ABCC5: variants seen among roughly 807,000 people sequenced by gnomAD.
ABCC5 encodes the protein ATP binding cassette subfamily C member 5.
A neutral mutation model predicts 160.9 loss-of-function variants in ABCC5; 61 were observed. The ratio of observed to expected loss-of-function variants is 0.38; its 90% confidence interval spans 0.31 to 0.47. The LOEUF (loss-of-function observed/expected upper bound fraction) is 0.47. Ranked by LOEUF, ABCC5 falls within the 20% of genes least tolerant of loss-of-function variation. The pLI is 0.99. For synonymous variants in ABCC5, 666 were observed against 700.6 expected (o/e 0.95, Z 0.78); for missense variants, 1,308 against 1,813.3 (o/e 0.72, Z 5.06).
In ABCC5 at chr3:183,987,955, G is replaced by A. The variant is rs762924078; in HGVS notation, c.444-38C>T. ...ACACGTCCTCGTTACACATCTCCTC[G>A]GGGGAAAGGCACACCTAGCTCCCCG... On this transcript the variant is annotated intron_variant, in intron 4 of 29. Transcript: ENST00000334444. This position sits in a 1 kb window ranked among gnomAD's most constrained non-coding sequence, Gnocchi z 4.2. The A allele has an allele frequency of 2.1e-5, 34 of 1,604,226 alleles. No individual in the cohort carries two copies. The highest frequency in any genetic ancestry group is 2.6e-5 in the Non-Finnish European group (31 of 1,174,890).
rs963986569 is a variant in ABCC5 at position 183,947,400 on chromosome 3, G to A, written c.3338C>T (p.Thr1113Met). The change falls in exon 23 of 30, where the codon ACG becomes ATG. Residue 1113 changes from threonine (T) to methionine (M), a missense_variant. Around this residue, in one of 3 missense-constraint regions of ABCC5, gnomAD observed 1,142 missense variants for 1,527.1 expected, o/e 0.75. Transcript: ENST00000334444. Reference sequence around the variant, plus strand: ...GTGCATAAGAACGATCATCAGCCCCGTGGTGGTGATGAGGGCGATGCTGAT... The same window carrying A: ...GTGCATAAGAACGATCATCAGCCCCATGGTGGTGATGAGGGCGATGCTGAT... ...DLISIALITT[T>M]GLMIVLMHGQ... 9 of 1,613,788 alleles carry A rather than the reference G, an allele frequency of 5.6e-6. No homozygotes were observed. Among genetic ancestry groups the A allele is most frequent in the South Asian group, 2.2e-5 (2 of 91,038 alleles).
At position 183,971,827 on chromosome 3, in the gene ABCC5, C is replaced by G. The variant is rs781410424; in HGVS notation, c.1497G>C (p.Trp499Cys). The change falls in exon 11 of 30, where the codon TGG becomes TGC. Residue 499 changes from tryptophan to cysteine, a missense_variant. Physicochemically the swap from Trp to Cys is radical, Grantham distance 215 (BLOSUM62 -2). Transcript: ENST00000334444. Reference protein sequence around the residue: ...KIEMKNATLAWDSSHSSIQNS... With the variant: ...KIEMKNATLACDSSHSSIQNS... ...TCTGGATACTGGAGTGGGAGGAGTC[C>G]CATGCCAAGGTGGCATTTTTCATCT... 3.1e-6 allele frequency: 5 copies of G among 1,614,076 alleles called. No individual in the cohort carries two copies. The highest frequency in any genetic ancestry group is 3.4e-6 in the Non-Finnish European group (4 of 1,180,016).
intron 8 of ABCC5, 115 bp downstream of exon 8, chr3:183,981,612 T>C: frequency 8.7e-7 from 1 of 1,153,466 alleles, no homozygotes; most frequent in South Asian, 1.4e-5. Context: ...TGTCCTACGA[T>C]ACTAGACACT....
Position 183,921,161 on chromosome 3 carries a change from C to A in ABCC5, c.*139G>T. The A allele has an allele frequency of 1.9e-6, 1 of 536,354 alleles. No individual in the cohort carries two copies. Among genetic ancestry groups the A allele is most frequent in the East Asian group, 3.1e-5 (1 of 32,602 alleles). 33.2% of individuals were successfully genotyped at this position (536,354 alleles called of 1,614,324 possible). On this transcript the variant is annotated 3_prime_UTR_variant, in exon 30 of 30. Transcript: ENST00000334444. This position sits in a 1 kb window ranked among gnomAD's most constrained non-coding sequence, Gnocchi z 4.1. The stretch of plus-strand genomic sequence containing the variant: ...TATGACTCTCCCTAAAAGTGAAACA[C>A]ACAAGCCAATCCGGAACTGCTGTGC...
rs1205589598 is a variant in ABCC5 at position 183,979,451 on chromosome 3, C to T, written c.1148-800G>A. On this transcript the variant is annotated intron_variant, in intron 8 of 29. Coordinates refer to ENST00000334444, the MANE Select transcript of ABCC5 (RefSeq NM_005688.4). ...CTTCCATATAAAAATGCAGTAATGACAACCGGAAGAAGATAGGTGAAATAC... is the reference window on the plus strand; with the variant it reads ...CTTCCATATAAAAATGCAGTAATGATAACCGGAAGAAGATAGGTGAAATAC... Among the ~76,000 whole-genome samples the T allele has an allele frequency of 2.6e-5, 4 of 151,856 alleles. No individual in the cohort carries two copies. In the East Asian group the frequency reaches 7.7e-4, roughly 29 times the overall value.
At chr3:184,006,192 C>T (rs1364060461) in intron 2 of ABCC5, 2 of 151,064 alleles carry the variant, frequency 1.3e-5, no homozygotes. Flanking sequence ...CTCTGGGCTG[C>T]TATTGGAGAC....
At chr3:184,005,908 T>TAAAA (rs11429168) in intron 2 of ABCC5, among the ~76,000 whole-genome samples, 2 of 147,178 alleles carry the variant, frequency 1.4e-5, no homozygotes, top group African/African-American at 2.5e-5. Context: ...TTTAGGTACT[T>TAAAA]AAAAAAAAAA....
chr3:183,984,552 C>A (rs752504537), intron 5 of ABCC5: 2 of 1,227,732 alleles, frequency 1.6e-6, no homozygotes, highest in Non-Finnish European at 2.0e-6. Flanking sequence ...CAGATGTCCA[C>A]TAGGTCCTAG....
chr3:184,007,654 C>T (rs952932557), intron 2 of ABCC5, among the ~76,000 whole-genome samples: 2 of 151,858 alleles, frequency 1.3e-5, no homozygotes, highest in Admixed American at 6.6e-5. Context: ...GGTGAAACCC[C>T]ATCTCTACTA....
At chr3:183,932,501 G>A (rs1432070948) in intron 26 of ABCC5, among the ~76,000 whole-genome samples, 1 of 152,228 alleles carries the variant, frequency 6.6e-6, no homozygotes, top group Non-Finnish European at 1.5e-5. Flanking sequence ...TATCAAGGTC[G>A]TGGTTAACAG....
chr3:183,971,953 GA>G, intron 10 of ABCC5, 34 bp from the exon 11 acceptor site: 2 of 1,611,638 alleles, frequency 1.2e-6, no homozygotes, highest in Non-Finnish European at 1.7e-6. Flanking sequence ...GCAAAGATGA[GA>G]CACTGGATCA....
intron 2 of ABCC5, among the ~76,000 whole-genome samples, chr3:183,995,956 C>G (rs952257790): frequency 7.9e-5 from 12 of 151,848 alleles, no homozygotes; most frequent in Admixed American, 7.2e-4. Flanking sequence ...TACAGGCACC[C>G]GCCACCACGC....
intron 17 of ABCC5, among the ~76,000 whole-genome samples, chr3:183,958,657 T>C (rs1172913787): frequency 6.9e-5 from 10 of 145,096 alleles, no homozygotes; most frequent in Non-Finnish European, 1.2e-4. Flanking sequence ...TTCTTTCCTC[T>C]TTTTTTTTTT....
intron 17 of ABCC5, 145 bp from the exon 18 acceptor site, chr3:183,953,415 A>G (rs1409824466): frequency 2.0e-5 from 14 of 699,866 alleles, no homozygotes; most frequent in Non-Finnish European, 3.1e-5. Flanking sequence ...GCATTCATTC[A>G]TCTATTTAAC....
intron 17 of ABCC5, among the ~76,000 whole-genome samples, chr3:183,957,364 G>A (rs866196393): frequency 7.7e-3 from 388 of 50,558 alleles, no homozygotes; most frequent in Middle Eastern, 0.018. Flanking sequence ...TTACATGCGG[G>A]TCCGTGTGTA....
chr3:183,985,575 G>C, intron 5 of ABCC5: 2 of 692,848 alleles, frequency 2.9e-6, no homozygotes, highest in Non-Finnish European at 5.3e-6. Flanking sequence ...CACTGCAGGA[G>C]GCGGCCTTCT....
intron 10 of ABCC5, among the ~76,000 whole-genome samples, chr3:183,977,025 A>T (rs897594722): frequency 3.3e-5 from 5 of 152,206 alleles, no homozygotes; most frequent in African/African-American, 1.2e-4. Context: ...TCTCAACATG[A>T]CCTAGTTTTA....
rs563553260 is a variant in ABCC5, at chr3:183,963,516, C to T, written c.2104G>A (p.Asp702Asn). The T allele has an allele frequency of 6.2e-7, 1 of 1,614,238 alleles. No homozygotes were observed. The highest frequency in any genetic ancestry group is 1.7e-5 in the Admixed American group (1 of 60,032). ...RISLARALYS[D>N]RSIYILDDPL... is the part of the protein sequence containing the mutation. Reference sequence around the variant, plus strand: ...TCGTCCAGGATGTAGATGCTCCTGTCACTATACAAGGCCCGGGCAAGGCTG... The same window carrying T: ...TCGTCCAGGATGTAGATGCTCCTGTTACTATACAAGGCCCGGGCAAGGCTG... Residue 702 changes from aspartate to asparagine, a missense_variant, in exon 15 of 30, where the codon GAC becomes AAC. By Grantham distance (23) the Asp-to-Asn change is conservative. Around this residue, in one of 3 missense-constraint regions of ABCC5, gnomAD observed 1,142 missense variants for 1,527.1 expected, o/e 0.75. Transcript: ENST00000334444. This position sits in a 1 kb window ranked among gnomAD's most constrained non-coding sequence, Gnocchi z 4.6.
intron 2 of ABCC5, among the ~76,000 whole-genome samples, chr3:183,991,135 T>TA (rs879878524): frequency 3.7e-4 from 52 of 142,162 alleles, no homozygotes; most frequent in East Asian, 6.1e-4. Context: ...CTACAAAAAG[T>TA]AAAAAAAAAA....
Sources: gnomAD v4.1 joint callset for allele counts (sites outside exome capture counted in the v4.1 genomes callset) on GRCh38, gnomAD v4.1.1 for gene constraint, gnomAD v4.1.1 regional missense constraint, Gnocchi (gnomAD v3.1) non-coding constraint, MANE v1.5 for transcripts, NCBI Gene and HGNC (gene_info 2026-07-23, HGNC 2026-07-21) for gene names.